The following NPRL3 variants were observed in gnomAD, a reference collection of about 807,000 sequenced individuals.
The protein encoded by NPRL3 is GATOR1 complex protein NPRL3.
In NPRL3, 23 loss-of-function variants were observed where a neutral mutation model predicts 57.2. The observed-to-expected ratio is 0.40, with a 90% CI of 0.29 to 0.57. NPRL3 has a LOEUF of 0.57. NPRL3 is among the 20% of genes least tolerant of loss of function. The pLI, the probability that NPRL3 is intolerant of heterozygous loss-of-function variation, is 0.42. For missense variants in NPRL3, 691 were observed against 767.1 expected (o/e 0.90, Z 1.17); for synonymous variants, 333 against 321.1 (o/e 1.04, Z -0.39).
rs1898450058 is a variant in NPRL3, at chr16:85,980, G to A, written c.*725C>T. 1 of 600,266 alleles carries A rather than the reference G, an allele frequency of 1.7e-6. No individual in the cohort carries two copies. 37.2% of individuals were successfully genotyped at this position (600,266 alleles called of 1,614,324 possible). A position where few individuals can be genotyped will look rare whatever the true frequency, so the allele number is the denominator to read the frequency against. ...GGATGCTGGGGAGAATCATCAGTGT[G>A]GGAGCCGAAAGCCCCCGAGGGTGGG... is the stretch of plus-strand genomic sequence containing the variant. On this transcript the variant is annotated 3_prime_UTR_variant, in exon 14 of 14. Coordinates refer to ENST00000611875, the MANE Select transcript of NPRL3 (RefSeq NM_001077350.3).
intron 7 of NPRL3, among the ~76,000 whole-genome samples, chr16:106,558 T>C (rs1899536141): frequency 7.2e-6 from 1 of 137,984 alleles, no homozygotes. Context: ...CACCTGAGCC[T>C]GGGAGACAGA....
At chr16:112,857 T>C in intron 5 of NPRL3, 82 bp from the exon 6 acceptor site, 2 of 1,324,044 alleles carry the variant, frequency 1.5e-6, no homozygotes, top group East Asian at 5.2e-5. Context: ...CTAACACAGG[T>C]ACACAGCAAA....
chr16:106,319 T>C (rs570228305), intron 7 of NPRL3, among the ~76,000 whole-genome samples: 27 of 150,180 alleles, frequency 1.8e-4, no homozygotes, highest in Admixed American at 6.6e-4. Context: ...AACAAACAAA[T>C]AAATAAATAA....
intron 7 of NPRL3, among the ~76,000 whole-genome samples, chr16:102,925 G>A (rs1457048569): frequency 6.6e-6 from 1 of 152,038 alleles, no homozygotes; most frequent in African/African-American, 2.4e-5. Flanking sequence ...TGAAAAACTC[G>A]TATCAAACCC....
chr16:120,144 C>G (rs1900222407), intron 3 of NPRL3, among the ~76,000 whole-genome samples: 1 of 152,280 alleles, frequency 6.6e-6, no homozygotes, highest in South Asian at 2.1e-4. Flanking sequence ...CACAAATGTA[C>G]TACCTCTGAT....
intron 7 of NPRL3, among the ~76,000 whole-genome samples, chr16:107,747 G>A (rs751372722): frequency 3.9e-5 from 6 of 152,166 alleles, no homozygotes; most frequent in Admixed American, 1.3e-4. Flanking sequence ...CTACAAGCTC[G>A]AACTCCTGGG....
At position 100,440 on chromosome 16, in the gene NPRL3, G is replaced by C; in HGVS notation, c.699C>G (p.His233Gln). ...SWLEVSFCLPHKIHYAASSLI... is the reference protein window; with the variant it reads ...SWLEVSFCLPQKIHYAASSLI... Reference sequence around the variant, plus strand: ...GACTGGAGGCCGCATAGTGGATCTTGTGGGGCAGGCAGAAGCTCACCTCCA... The same window carrying C: ...GACTGGAGGCCGCATAGTGGATCTTCTGGGGCAGGCAGAAGCTCACCTCCA... Residue 233 changes from histidine (H) to glutamine (Q), a missense_variant, in exon 8 of 14, where the codon CAC becomes CAG. By Grantham distance (24) the His-to-Gln change is conservative (BLOSUM62 0). Coordinates refer to ENST00000611875, the MANE Select transcript of NPRL3 (RefSeq NM_001077350.3). The C allele has an allele frequency of 5.6e-6, 9 of 1,606,564 alleles. No homozygotes were observed. The highest frequency in any genetic ancestry group is 7.6e-6 in the Non-Finnish European group (9 of 1,177,264).
chr16:138,043 TC>T (rs1901192125), intron 2 of NPRL3, 106 bp downstream of exon 2: 1 of 769,560 alleles, frequency 1.3e-6, no homozygotes. Context: ...CGAGCAGATC[TC>T]GAATGCCCAG....
chr16:96,971 G>GA (rs1024388251), intron 9 of NPRL3, among the ~76,000 whole-genome samples: 1 of 145,476 alleles, frequency 6.9e-6, no homozygotes, highest in African/African-American at 2.6e-5. Flanking sequence ...GCTAAGCAGA[G>GA]ACCTGTTTCA....
intron 4 of NPRL3, 109 bp downstream of exon 4, chr16:119,017 A>AAGCCACACCTGCCCAAGGAG (rs759940052): frequency 2.3e-5 from 32 of 1,382,350 alleles, no homozygotes; most frequent in Admixed American, 1.7e-4. Context: ...TGCCCAGGGG[A>AAGCCACACCTGCCCAAGGAG]AGCCACACCT....
Position 89,587 on chromosome 16 carries a change from C to T in NPRL3, c.1351+126G>A, listed in dbSNP as rs146157438. 222 of 876,054 alleles carry T rather than the reference C, an allele frequency of 2.5e-4. 1 individual carries two copies. In the African/African-American group the frequency reaches 3.4e-3, roughly 13 times the overall value. The allele number at this position is 876,054 out of a possible 1,614,324, so 54.3% of individuals were successfully genotyped here. A position where few individuals can be genotyped will look rare whatever the true frequency, so the allele number is the denominator to read the frequency against. On this transcript the variant is annotated intron_variant, in intron 12 of 13. Transcript: ENST00000611875. ...GTGTCTCCACGGGGGACACGAGGCA[C>T]GTGCATGTGCGTGTGCAGCTGTGTG... is the stretch of plus-strand genomic sequence containing the variant.
At chr16:91,495 C>A (rs1256072437) in intron 11 of NPRL3, among the ~76,000 whole-genome samples, 1 of 152,228 alleles carries the variant, frequency 6.6e-6, no homozygotes, top group Non-Finnish European at 1.5e-5. Flanking sequence ...CCTGGAAAAG[C>A]CACTCCGTTA....
chr16:107,604 A>C lies in NPRL3; in HGVS notation c.629+2921T>G, dbSNP rs972424340. 1.5e-3 allele frequency among the ~76,000 whole-genome samples: 221 copies of C among 152,144 alleles called. 4 individuals carry two copies. The highest frequency in any genetic ancestry group is 5.2e-3 in the African/African-American group (215 of 41,522). Reference sequence around the variant, plus strand: ...AAGGATATTCCATCTCAAAAAAAAAAAAAAAAAAGAAGAAGAAAAAGAAAT... The same window carrying C: ...AAGGATATTCCATCTCAAAAAAAAACAAAAAAAAGAAGAAGAAAAAGAAAT... On this transcript the variant is annotated intron_variant, in intron 7 of 13. Transcript: ENST00000611875.
intron 2 of NPRL3, among the ~76,000 whole-genome samples, chr16:130,925 G>A (rs761136129): frequency 3.9e-5 from 6 of 152,252 alleles, no homozygotes; most frequent in African/African-American, 1.2e-4. Flanking sequence ...TTCAGTTTAC[G>A]TGCTGAAAAA....
chr16:105,027 G>A (rs1899468326), intron 7 of NPRL3, among the ~76,000 whole-genome samples: 1 of 152,206 alleles, frequency 6.6e-6, no homozygotes, highest in Non-Finnish European at 1.5e-5. Context: ...ACTTCTATTT[G>A]CAAGGTGTTT....
At chr16:135,056 G>A (rs561687276) in intron 2 of NPRL3, among the ~76,000 whole-genome samples, 1 of 152,066 alleles carries the variant, frequency 6.6e-6, no homozygotes, top group African/African-American at 2.4e-5. Context: ...AGATAAGAAA[G>A]ACAAAAAATA....
chr16:98,378 GGTATGCACCGGGTATGCACC>G, intron 8 of NPRL3, 77 bp from the exon 9 acceptor site: 1 of 1,486,296 alleles, frequency 6.7e-7, no homozygotes, highest in Non-Finnish European at 9.1e-7. Context: ...TCCTGCACCA[GGTATGCACCGGGTATGCACC>G]AGGTCCTGCA....
At chr16:99,193 T>C (rs1899158733) in intron 8 of NPRL3, among the ~76,000 whole-genome samples, 1 of 152,168 alleles carries the variant, frequency 6.6e-6, no homozygotes, top group South Asian at 2.1e-4. Context: ...GAGCACGGAC[T>C]GGGGAGGGTG....
rs191579176 is a variant in NPRL3 at position 87,001 on chromosome 16, G to A, written c.1545-131C>T. On this transcript the variant is annotated intron_variant, in intron 13 of 13. Transcript: ENST00000611875. ...CAGAGCTGGTGGTGAAGGCCAGGGA[G>A]GCAGCCACCACAGCCCCCCAACAAG... 1.0e-4 allele frequency: 93 copies of A among 934,374 alleles called. 1 individual carries two copies. In the Middle Eastern group the frequency reaches 1.7e-3, roughly 17 times the overall value. The allele number at this position is 934,374 out of a possible 1,614,324, so 57.9% of individuals were successfully genotyped here.
Sources: allele counts gnomAD v4.1 joint callset (sites outside exome capture counted in the v4.1 genomes callset), GRCh38; gene constraint gnomAD v4.1.1; transcripts MANE v1.5; gene names NCBI Gene and HGNC (gene_info 2026-07-23, HGNC 2026-07-21).